Variants in IQSEC1 observed in about 807,000 individuals in gnomAD.
IQSEC1 encodes the protein IQ motif and SEC7 domain-containing protein 1.
A neutral mutation model predicts 91.0 loss-of-function variants in IQSEC1; 31 were observed. The observed-to-expected ratio is 0.34, with a 90% CI of 0.26 to 0.46. The LOEUF (loss-of-function observed/expected upper bound fraction) is 0.46, where lower values mean the gene tolerates loss of function less well. Among genes scored for constraint, IQSEC1 ranks in the 20% least tolerant of loss-of-function variants. IQSEC1 has a pLI of 1.00. For synonymous variants in IQSEC1, 699 were observed against 662.6 expected (o/e 1.05, Z -0.84); for missense variants, 1,388 against 1,575.6 (o/e 0.88, Z 2.02).
chr3:12,938,964 G>A (rs891063568), intron 2 of IQSEC1, among the ~76,000 whole-genome samples: 2 of 152,184 alleles, frequency 1.3e-5, no homozygotes, highest in Non-Finnish European at 2.9e-5. Flanking sequence ...ACTTACCGTG[G>A]GTCATTCTTC....
intron 1 of IQSEC1, among the ~76,000 whole-genome samples, chr3:13,166,294 A>G (rs1008455131): frequency 2.0e-5 from 3 of 152,216 alleles, no homozygotes; most frequent in Non-Finnish European, 2.9e-5. Flanking sequence ...GAAGCTCTCT[A>G]TTTATGTCTC....
intron 2 of IQSEC1, among the ~76,000 whole-genome samples, chr3:13,114,670 G>A (rs527415005): frequency 5.9e-5 from 9 of 151,718 alleles, no homozygotes; most frequent in Admixed American, 3.9e-4. Context: ...GTGGGTGCCC[G>A]TAATCCCAGC....
intron 1 of IQSEC1, among the ~76,000 whole-genome samples, chr3:12,991,734 A>G (rs1702000398): frequency 6.6e-6 from 1 of 152,180 alleles, no homozygotes; most frequent in South Asian, 2.1e-4. Flanking sequence ...CCCTTATACC[A>G]ATGGCTGAAA....
rs952760742 is a variant in IQSEC1 at position 12,909,098 on chromosome 3, G to T, written c.2578+175C>A. Among the ~76,000 whole-genome samples the T allele has an allele frequency of 2.0e-5, 3 of 152,214 alleles. No homozygotes were observed. Among genetic ancestry groups the T allele is most frequent in the East Asian group, 3.9e-4 (2 of 5,190 alleles). ...GCGGGTCCTGGATTGGACTCCCTCTGTGCCTCCTGCAGCCTGGGAACACAG... is the reference window on the plus strand; with the variant it reads ...GCGGGTCCTGGATTGGACTCCCTCTTTGCCTCCTGCAGCCTGGGAACACAG... On this transcript the variant is annotated intron_variant, in intron 11 of 13. Coordinates refer to ENST00000613206, the MANE Select transcript of IQSEC1 (RefSeq NM_001134382.3). The surrounding 1 kb of genome is among the most constrained non-coding windows in gnomAD (Gnocchi z 4.9).
At chr3:13,247,034 G>A (rs1323085472) in intron 1 of IQSEC1, among the ~76,000 whole-genome samples, 2 of 152,176 alleles carry the variant, frequency 1.3e-5, no homozygotes, top group East Asian at 1.9e-4. Flanking sequence ...ACGCCTTTCA[G>A]CTTGTGGGAC....
intron 2 of IQSEC1, among the ~76,000 whole-genome samples, chr3:13,131,924 A>G (rs1706627698): frequency 6.6e-6 from 1 of 152,198 alleles, no homozygotes; most frequent in African/African-American, 2.4e-5. Flanking sequence ...TGATTTGGGC[A>G]TGGAATATAG....
At chr3:13,057,047 A>G (rs1704904910) in intron 1 of IQSEC1, among the ~76,000 whole-genome samples, 1 of 152,158 alleles carries the variant, frequency 6.6e-6, no homozygotes, top group African/African-American at 2.4e-5. Flanking sequence ...ATAAGCGGAC[A>G]CATATGCACA....
intron 1 of IQSEC1, among the ~76,000 whole-genome samples, chr3:13,012,020 G>A (rs891339683): frequency 5.9e-5 from 9 of 152,208 alleles, no homozygotes; most frequent in Non-Finnish European, 1.2e-4. Context: ...GTGGGCATGA[G>A]GCACCACCAG....
In IQSEC1 at chr3:12,900,147, G is replaced by A; in HGVS notation, c.*836C>T. ...CAGCATTATAATACTATTTATGATA[G>A]TATTCTGTTAATAAAATAAGGATTT... is the stretch of plus-strand genomic sequence containing the variant. On this transcript the variant is annotated 3_prime_UTR_variant, in exon 14 of 14. Coordinates refer to ENST00000613206, the MANE Select transcript of IQSEC1 (RefSeq NM_001134382.3). 2 of 971,142 alleles carry A rather than the reference G, an allele frequency of 2.1e-6. No individual in the cohort carries two copies. Among genetic ancestry groups the A allele is most frequent in the Non-Finnish European group, 2.4e-6 (2 of 817,094 alleles). The allele number at this position is 971,142 out of a possible 1,614,324, so 60.2% of individuals were successfully genotyped here.
At chr3:12,933,949 C>A (rs1275233683) in intron 3 of IQSEC1, among the ~76,000 whole-genome samples, 1 of 152,238 alleles carries the variant, frequency 6.6e-6, no homozygotes, top group Non-Finnish European at 1.5e-5. Flanking sequence ...TTTCCTGTCT[C>A]CCCACTGCTG....
Position 12,979,048 on chromosome 3 carries a change from A to G in IQSEC1, c.24-37183T>C, listed in dbSNP as rs1252700494. 6.6e-6 allele frequency among the ~76,000 whole-genome samples: 1 copy of G among 152,204 alleles called. No homozygotes were observed. The highest frequency in any genetic ancestry group is 1.9e-4 in the East Asian group (1 of 5,200). On this transcript the variant is annotated intron_variant, in intron 1 of 13. Transcript: ENST00000613206. The surrounding 1 kb of genome is among the most constrained non-coding windows in gnomAD (Gnocchi z 4.3). ...TGTGGGGCATGAGGCCAGTGGACCG[A>G]GCAGGAGCTTCATCCTGTGAGGGTG...
At chr3:13,216,888 G>T (rs1483217449) in intron 1 of IQSEC1, among the ~76,000 whole-genome samples, 1 of 152,218 alleles carries the variant, frequency 6.6e-6, no homozygotes, top group East Asian at 1.9e-4. Flanking sequence ...TTCTCCCGAT[G>T]AGTTTAGGTC....
chr3:13,149,140 G>A (rs1381809979), intron 2 of IQSEC1, among the ~76,000 whole-genome samples: 1 of 152,206 alleles, frequency 6.6e-6, no homozygotes. Context: ...AGCACTGACA[G>A]CTGCAGCCTC....
At position 13,257,534 on chromosome 3, in the gene IQSEC1, G is replaced by A. The variant is rs929621954; in HGVS notation, c.272+25177C>T. ...CACTGCCCCAGCCCTTCCCGCCCCC[G>A]CCTGGTGCAGTCCACGAAGCCTCAG... is the stretch of plus-strand genomic sequence containing the variant. On this transcript the variant is annotated intron_variant, in intron 1 of 15. Transcript: ENST00000648114. Among the ~76,000 whole-genome samples the A allele has an allele frequency of 2.0e-5, 3 of 151,490 alleles. No homozygotes were observed. The East Asian group carries it at 5.8e-4, about 29-fold the overall frequency.
Position 13,193,985 on chromosome 3 carries a change from CA to C in IQSEC1, c.273-29853del, listed in dbSNP as rs1205460134. ...TGGTTGGCAAGGGTGGTTTCTCTGG[CA>C]GCCTCTCTCCCTCCTTGGCTGGCCG... On this transcript the variant is annotated intron_variant, in intron 1 of 15. Coordinates refer to the IQSEC1 transcript ENST00000648114. This position sits in a 1 kb window ranked among gnomAD's most constrained non-coding sequence, Gnocchi z 4.2. Among the ~76,000 whole-genome samples, 4 of 152,204 alleles carry C rather than the reference CA, an allele frequency of 2.6e-5. No individual in the cohort carries two copies. Among genetic ancestry groups the C allele is most frequent in the Non-Finnish European group, 5.9e-5 (4 of 68,034 alleles).
chr3:13,210,283 G>A (rs1270848092), intron 1 of IQSEC1, among the ~76,000 whole-genome samples: 1 of 151,838 alleles, frequency 6.6e-6, no homozygotes, highest in African/African-American at 2.4e-5. Flanking sequence ...AAGTGCCCGG[G>A]ACAGGGTAGG....
chr3:13,002,346 T>C (rs1261071160), intron 1 of IQSEC1, among the ~76,000 whole-genome samples: 2 of 152,108 alleles, frequency 1.3e-5, no homozygotes, highest in Admixed American at 1.3e-4. Flanking sequence ...TTGGACTTCA[T>C]GAAAATTAAA....
intron 1 of IQSEC1, among the ~76,000 whole-genome samples, chr3:13,011,818 T>C (rs1455639628): frequency 6.6e-6 from 1 of 152,188 alleles, no homozygotes; most frequent in Admixed American, 6.5e-5. Flanking sequence ...CAACACATGA[T>C]TGTTTTGAAT....
At chr3:13,160,299 G>A (rs1225555521) in intron 2 of IQSEC1, among the ~76,000 whole-genome samples, 2 of 152,070 alleles carry the variant, frequency 1.3e-5, no homozygotes, top group Non-Finnish European at 1.5e-5. Flanking sequence ...GTGGGGAGGA[G>A]GTGTCTCTCA....
Sources: allele counts gnomAD v4.1 joint callset (sites outside exome capture counted in the v4.1 genomes callset), GRCh38; gene constraint gnomAD v4.1.1; non-coding constraint Gnocchi (gnomAD v3.1); transcripts MANE v1.5; gene names NCBI Gene and HGNC (gene_info 2026-07-23, HGNC 2026-07-21).